MAP3K9: variants seen among roughly 807,000 people sequenced by gnomAD.
MAP3K9 encodes the protein mixed lineage kinase 1 (tyr and ser/thr specificity).
Under a neutral mutation model 95.8 loss-of-function variants are expected in MAP3K9, and 46 were observed. That is an observed-to-expected ratio of 0.48 (90% CI 0.38 to 0.61). MAP3K9 has a LOEUF of 0.61. Ranked by LOEUF, MAP3K9 falls within the 20% of genes least tolerant of loss-of-function variation. MAP3K9 has a pLI of 0.00. For synonymous variants in MAP3K9, 533 were observed against 593.8 expected (o/e 0.90, Z 1.49); for missense variants, 1,296 against 1,474.3 (o/e 0.88, Z 1.98).
intron 2 of MAP3K9, chr14:70,783,561 G>A (rs542756634): frequency 3.7e-4 from 77 of 205,488 alleles, no homozygotes; most frequent in African/African-American, 1.6e-3. Flanking sequence ...GGAAATAGCC[G>A]GGAGGCTTCA....
rs189550096 is a variant in MAP3K9 at position 70,807,015 on chromosome 14, C to T, written c.406+1751G>A. ...TCTGGAAACAATTTAAAGTAATTTG[C>T]TACCTCCAGGCATTTTAAAGATCAA... is the stretch of plus-strand genomic sequence containing the variant. On this transcript the variant is annotated intron_variant, in intron 1 of 11. Coordinates refer to ENST00000554752, the MANE Select transcript of MAP3K9 (RefSeq NM_001284230.2). Among the ~76,000 whole-genome samples the T allele has an allele frequency of 5.8e-3, 879 of 152,292 alleles. 1 individual carries two copies. The highest frequency in any genetic ancestry group is 8.3e-3 in the Non-Finnish European group (566 of 68,026).
At chr14:70,779,203 C>T (rs780234156) in intron 2 of MAP3K9, among the ~76,000 whole-genome samples, 11 of 152,298 alleles carry the variant, frequency 7.2e-5, no homozygotes, top group Middle Eastern at 3.4e-3. Context: ...AGACTACAGA[C>T]CCTGCCAAGG....
chr14:70,798,693 T>C (rs1293645341), intron 2 of MAP3K9, among the ~76,000 whole-genome samples: 2 of 151,780 alleles, frequency 1.3e-5, no homozygotes, highest in Admixed American at 1.3e-4. Context: ...TTAGCCGGGA[T>C]GGTCTCGATC....
chr14:70,734,064 C>G (rs2053950773), intron 10 of MAP3K9, among the ~76,000 whole-genome samples: 1 of 152,194 alleles, frequency 6.6e-6, no homozygotes, highest in Non-Finnish European at 1.5e-5. Context: ...GGGAGCCATA[C>G]TACAGGCTTT....
At chr14:70,740,408 G>A (rs2054053569) in intron 6 of MAP3K9, among the ~76,000 whole-genome samples, 1 of 152,194 alleles carries the variant, frequency 6.6e-6, no homozygotes, top group Admixed American at 6.5e-5. Flanking sequence ...GCTTCATAAA[G>A]CTGTCTATAT....
chr14:70,743,032 G>A (rs1041304977), intron 5 of MAP3K9, among the ~76,000 whole-genome samples: 2 of 151,590 alleles, frequency 1.3e-5, no homozygotes, highest in African/African-American at 2.4e-5. Context: ...TGTCACCCAC[G>A]TTGGAGTGCA....
At chr14:70,763,301 C>T (rs117294459) in intron 2 of MAP3K9, among the ~76,000 whole-genome samples, 2 of 152,312 alleles carry the variant, frequency 1.3e-5, no homozygotes, top group Non-Finnish European at 2.9e-5. Context: ...AGGCCAAAAC[C>T]ATGATGGTGG....
At chr14:70,759,516 A>T (rs547934987) in intron 3 of MAP3K9, among the ~76,000 whole-genome samples, 1 of 152,344 alleles carries the variant, frequency 6.6e-6, no homozygotes, top group South Asian at 2.1e-4. Flanking sequence ...GGCCCTAAAA[A>T]GCTATATCTA....
At position 70,769,933 on chromosome 14, in the gene MAP3K9, G is replaced by C. The variant is rs112865776; in HGVS notation, c.821-8751C>G. ...ATTGTTTGTGTGGAGGGTTGTGGGG[G>C]ACACTATTCTACCCACAACACCATG... On this transcript the variant is annotated intron_variant, in intron 2 of 11. Coordinates refer to ENST00000554752, the MANE Select transcript of MAP3K9 (RefSeq NM_001284230.2). 2.0e-3 allele frequency among the ~76,000 whole-genome samples: 306 copies of C among 152,274 alleles called. 1 individual carries two copies. Among genetic ancestry groups the C allele is most frequent in the African/African-American group, 6.0e-3 (251 of 41,554 alleles).
At chr14:70,802,747 T>C (rs1350764561) in intron 1 of MAP3K9, among the ~76,000 whole-genome samples, 1 of 152,176 alleles carries the variant, frequency 6.6e-6, no homozygotes, top group Non-Finnish European at 1.5e-5. Flanking sequence ...TCAATGCCTA[T>C]TGTCCAGGCC....
intron 2 of MAP3K9, among the ~76,000 whole-genome samples, chr14:70,765,864 G>A (rs552953517): frequency 6.6e-5 from 10 of 151,792 alleles, no homozygotes; most frequent in African/African-American, 1.7e-4. Context: ...TCTGATGTTC[G>A]CACGATGATG....
In MAP3K9 at chr14:70,729,447, A is replaced by G. The variant is rs981073374; in HGVS notation, c.*933T>C. On this transcript the variant is annotated 3_prime_UTR_variant, in exon 12 of 12. Transcript: ENST00000554752. ...AGGGAGTAACACATAAAGTTCAGAC[A>G]GCAAAAGGAACAGACAGTGGAATTT... The G allele has an allele frequency of 5.3e-5, 8 of 152,248 alleles. No individual in the cohort carries two copies. The East Asian group carries it at 1.5e-3, about 29-fold the overall frequency. The allele number at this position is 152,248 out of a possible 1,614,324, so 9.4% of individuals were successfully genotyped here.
In MAP3K9 at chr14:70,799,566, C is replaced by T. The variant is rs1391083800; in HGVS notation, c.820+1101G>A. Among the ~76,000 whole-genome samples, 12 of 152,146 alleles carry T rather than the reference C, an allele frequency of 7.9e-5. No homozygotes were observed. In the South Asian group the frequency reaches 2.3e-3, roughly 29 times the overall value. ...GTGTTAGCCAGGATGGTCTCGATCT[C>T]CTGACCTCATGATCTGCCCGCCTTG... On this transcript the variant is annotated intron_variant, in intron 2 of 11. Transcript: ENST00000554752.
intron 2 of MAP3K9, among the ~76,000 whole-genome samples, chr14:70,780,405 T>C (rs2054659143): frequency 6.6e-6 from 1 of 152,166 alleles, no homozygotes; most frequent in African/African-American, 2.4e-5. Context: ...CTTTCATCTC[T>C]TTCTTGGAGG....
At chr14:70,793,280 G>A (rs573674387) in intron 2 of MAP3K9, among the ~76,000 whole-genome samples, 294 of 152,324 alleles carry the variant, frequency 1.9e-3, no homozygotes, top group Non-Finnish European at 3.5e-3. Context: ...AGGCGTTTGG[G>A]ATTAATAACG....
At chr14:70,733,639 T>G in intron 10 of MAP3K9, 1 of 689,598 alleles carries the variant, frequency 1.5e-6, no homozygotes. Flanking sequence ...GGGTATCCAC[T>G]TGACTGGACT....
chr14:70,763,542 T>C (rs2054403850), intron 2 of MAP3K9, among the ~76,000 whole-genome samples: 1 of 152,108 alleles, frequency 6.6e-6, no homozygotes, highest in East Asian at 1.9e-4. Context: ...TACTTTTTTT[T>C]TTTTTGGACC....
Position 70,733,144 on chromosome 14 carries a change from C to T in MAP3K9, c.2225G>A (p.Gly742Asp). The change falls in exon 11 of 12, where the codon GGC (glycine) becomes GAC (aspartate). Residue 742 changes from glycine to aspartate, a missense_variant. This residue lies in a region of MAP3K9 where 377 missense variants were observed against 417.1 expected (regional missense o/e 0.90). Transcript: ENST00000554752. Reference protein sequence around the residue: ...QLTPTNSLKRGGAHHRRCEVA... With the variant: ...QLTPTNSLKRDGAHHRRCEVA... ...CTCGCAGCGGCGGTGGTGGGCACCG[C>T]CCCGCTTGAGGCTGTTGGTTGGCGT... 1 of 1,613,400 alleles carries T rather than the reference C, an allele frequency of 6.2e-7. No individual in the cohort carries two copies. The highest frequency in any genetic ancestry group is 8.5e-7 in the Non-Finnish European group (1 of 1,179,556).
intron 5 of MAP3K9, among the ~76,000 whole-genome samples, chr14:70,747,155 A>T (rs749549879): frequency 4.7e-4 from 72 of 152,106 alleles, no homozygotes; most frequent in Non-Finnish European, 9.3e-4. Context: ...TGTGTAGAAT[A>T]AAAATGACAC....
Sources: allele counts gnomAD v4.1 joint callset (sites outside exome capture counted in the v4.1 genomes callset), GRCh38; gene constraint gnomAD v4.1.1; regional missense constraint gnomAD v4.1.1; transcripts MANE v1.5; gene names NCBI Gene and HGNC (gene_info 2026-07-23, HGNC 2026-07-21).